The following ZXDC variants were observed in gnomAD, a reference collection of about 807,000 sequenced individuals.
ZXDC encodes the protein zinc finger protein ZXDC.
ZXDC carries 58 observed loss-of-function variants against 63.6 expected under a neutral mutation model. The observed-to-expected ratio is 0.91, with a 90% CI of 0.74 to 1.13. The LOEUF (loss-of-function observed/expected upper bound fraction) is 1.13, where lower values mean the gene tolerates loss of function less well. Ranked by LOEUF, ZXDC falls within the 50% of genes most tolerant of loss-of-function variation. ZXDC has a pLI of 0.00. For missense variants in ZXDC, 1,133 were observed against 1,148.9 expected (o/e 0.99, Z 0.20); for synonymous variants, 561 against 496.1 (o/e 1.13, Z -1.74).
intron 7 of ZXDC, among the ~76,000 whole-genome samples, chr3:126,457,016 G>A (rs1336753093): frequency 6.6e-6 from 1 of 152,192 alleles, no homozygotes; most frequent in Admixed American, 6.5e-5. Context: ...CAGGGAGGAC[G>A]GTCCAGAGCG....
chr3:126,454,864 G>A, intron 7 of ZXDC: 2 of 985,324 alleles, frequency 2.0e-6, no homozygotes, highest in Non-Finnish European at 2.4e-6. Flanking sequence ...TCTAAGGGGA[G>A]AATCTCAATA....
rs187093825 is a variant in ZXDC, at chr3:126,453,725, G to A, written c.2212+5928C>T. 2.6e-5 allele frequency: 26 copies of A among 981,958 alleles called. No individual in the cohort carries two copies. In the East Asian group the frequency reaches 3.4e-4, roughly 13 times the overall value. 60.8% of individuals were successfully genotyped at this position (981,958 alleles called of 1,614,324 possible). A position where few individuals can be genotyped will look rare whatever the true frequency, so the allele number is the denominator to read the frequency against. ...TCTTTTTTTTTGGCGAAGGAGTTTCGCTCTTGTTGCCCAGGCTGCAGTGCA... is the reference window on the plus strand; with the variant it reads ...TCTTTTTTTTTGGCGAAGGAGTTTCACTCTTGTTGCCCAGGCTGCAGTGCA... On this transcript the variant is annotated intron_variant, in intron 7 of 9. Coordinates refer to ENST00000389709, the MANE Select transcript of ZXDC (RefSeq NM_025112.5).
chr3:126,465,495 C>T (rs1204705208), intron 5 of ZXDC, among the ~76,000 whole-genome samples: 1 of 152,214 alleles, frequency 6.6e-6, no homozygotes, highest in Non-Finnish European at 1.5e-5. Flanking sequence ...CAACTCTGCT[C>T]TAGCCTTTGT....
chr3:126,451,316 T>G, intron 7 of ZXDC: 1 of 985,416 alleles, frequency 1.0e-6, no homozygotes, highest in Non-Finnish European at 1.2e-6. Context: ...CACTTTTTCT[T>G]ACAAATATGA....
intron 4 of ZXDC, 46 bp downstream of exon 4, chr3:126,470,849 G>A (rs2077603743): frequency 6.2e-7 from 1 of 1,603,038 alleles, no homozygotes; most frequent in Non-Finnish European, 8.5e-7. Context: ...GATAAATGTT[G>A]GCATTGCACT....
intron 8 of ZXDC, chr3:126,440,312 T>G: frequency 1.0e-6 from 1 of 988,748 alleles, no homozygotes; most frequent in Non-Finnish European, 1.2e-6. Flanking sequence ...GAGCTCCTGG[T>G]GCTGCTGCTC....
Position 126,459,909 on chromosome 3 carries a change from C to T in ZXDC, c.2128-172G>A, listed in dbSNP as rs1010727033. On this transcript the variant is annotated intron_variant, in intron 6 of 9. Coordinates refer to ENST00000389709, the MANE Select transcript of ZXDC (RefSeq NM_025112.5). The stretch of plus-strand genomic sequence containing the variant: ...CGCTACATCCACTTGTGGCGAGGGC[C>T]GAACAAACTTGGAGCTGGAACAATG... 9 of 985,338 alleles carry T rather than the reference C, an allele frequency of 9.1e-6. No homozygotes were observed. The African/African-American group carries it at 1.0e-4, about 11-fold the overall frequency. The allele number at this position is 985,338 out of a possible 1,614,324, so 61.0% of individuals were successfully genotyped here.
intron 1 of ZXDC, 127 bp downstream of exon 1, chr3:126,474,832 T>C: frequency 8.7e-7 from 1 of 1,150,104 alleles, no homozygotes; most frequent in Non-Finnish European, 1.2e-6. Context: ...GGAGCTAGAA[T>C]ACAAATCCCG....
At chr3:126,454,587 T>G in intron 7 of ZXDC, 1 of 985,470 alleles carries the variant, frequency 1.0e-6, no homozygotes, top group Non-Finnish European at 1.2e-6. Flanking sequence ...TCCCATGTAT[T>G]CAATCTTCGT....
chr3:126,472,003 G>A lies in ZXDC; in HGVS notation c.1109C>T (p.Thr370Ile). 1 of 1,613,576 alleles carries A rather than the reference G, an allele frequency of 6.2e-7. No individual in the cohort carries two copies. The highest frequency in any genetic ancestry group is 8.5e-7 in the Non-Finnish European group (1 of 1,179,820). ...GTGCCTTAGAAGTTTGGACATGCTGGTGAAGGTCCAGCCACAGCTGTCAGA... is the reference window on the plus strand; with the variant it reads ...GTGCCTTAGAAGTTTGGACATGCTGATGAAGGTCCAGCCACAGCTGTCAGA... ...CDSDSCGWTF[T>I]SMSKLLRHRR... The change falls in exon 3 of 10, where the codon ACC becomes ATC. Residue 370 changes from threonine (T) to isoleucine (I), a missense_variant. Physicochemically the swap from Thr to Ile is moderately conservative, Grantham distance 89. Transcript: ENST00000389709.
chr3:126,461,317 T>A, intron 6 of ZXDC: 3 of 1,359,492 alleles, frequency 2.2e-6, no homozygotes, highest in Non-Finnish European at 2.8e-6. Flanking sequence ...TTTAGCCAAA[T>A]CTCCTTATGC....
intron 6 of ZXDC, chr3:126,461,160 T>C (rs1934515846): frequency 1.0e-6 from 1 of 1,000,188 alleles, no homozygotes; most frequent in Non-Finnish European, 1.2e-6. Context: ...CCTCTGAAGG[T>C]GGCTTATGTC....
At chr3:126,450,574 A>G (rs903558711) in intron 7 of ZXDC, 2 of 456,246 alleles carry the variant, frequency 4.4e-6, no homozygotes, top group Admixed American at 2.3e-5. Context: ...CGAGGAATAA[A>G]TGGGGGTGCA....
intron 5 of ZXDC, among the ~76,000 whole-genome samples, chr3:126,465,557 C>G (rs1391179709): frequency 6.6e-6 from 1 of 152,184 alleles, no homozygotes; most frequent in Non-Finnish European, 1.5e-5. Context: ...GGGGCAGGTT[C>G]AGAATTCAGG....
At chr3:126,455,825 C>T (rs1934283988) in intron 7 of ZXDC, among the ~76,000 whole-genome samples, 1 of 151,590 alleles carries the variant, frequency 6.6e-6, no homozygotes, top group Non-Finnish European at 1.5e-5. Context: ...GTGAAACCCC[C>T]GTCTCTACTA....
chr3:126,445,229 T>C (rs1025027026), intron 7 of ZXDC, among the ~76,000 whole-genome samples: 7 of 152,192 alleles, frequency 4.6e-5, no homozygotes, highest in Non-Finnish European at 8.8e-5. Flanking sequence ...CTCACGCTTA[T>C]ACATACATAG....
chr3:126,442,427 G>A (rs539452567), intron 7 of ZXDC: 1 of 152,586 alleles, frequency 6.6e-6, no homozygotes, highest in Admixed American at 6.5e-5. Context: ...ACAAATATGT[G>A]CTTCTTAAGA....
At position 126,454,051 on chromosome 3, in the gene ZXDC, C is replaced by CAT. The variant is rs201861374; in HGVS notation, c.2212+5600_2212+5601dup. 1.9e-3 allele frequency: 1,315 copies of CAT among 692,422 alleles called. 2 individuals carry two copies. The highest frequency in any genetic ancestry group is 2.5e-3 in the South Asian group (37 of 14,662). 42.9% of individuals were successfully genotyped at this position (692,422 alleles called of 1,614,324 possible). ...ATGTATATATATAGGTAGTACTACA[C>CAT]ATATATATATATATTTTTTTTTTTG... On this transcript the variant is annotated intron_variant, in intron 7 of 9. Coordinates refer to ENST00000389709, the MANE Select transcript of ZXDC (RefSeq NM_025112.5).
At chr3:126,465,754 C>A (rs1934731619) in intron 5 of ZXDC, among the ~76,000 whole-genome samples, 1 of 152,120 alleles carries the variant, frequency 6.6e-6, no homozygotes, top group African/African-American at 2.4e-5. Context: ...AGTTCAAAAC[C>A]AGCCTGAGCA....
Sources: gnomAD v4.1 joint callset for allele counts (sites outside exome capture counted in the v4.1 genomes callset) on GRCh38, gnomAD v4.1.1 for gene constraint, MANE v1.5 for transcripts, NCBI Gene and HGNC (gene_info 2026-07-23, HGNC 2026-07-21) for gene names.